The following DIAPH3 variants were observed in gnomAD, a reference collection of about 807,000 sequenced individuals.
DIAPH3 encodes the protein diaphanous related formin 3.
Under a neutral mutation model 144.3 loss-of-function variants are expected in DIAPH3, and 117 were observed. That is an observed-to-expected ratio of 0.81 (90% confidence interval 0.70 to 0.95). The LOEUF is 0.95. DIAPH3 is among the 40% of genes least tolerant of loss of function. The probability of loss-of-function intolerance (pLI) is 0.00; values close to 1 mark genes in which losing one functional copy is unlikely to be tolerated. For synonymous variants in DIAPH3, 519 were observed against 488.9 expected (o/e 1.06, Z -0.81); for missense variants, 1,421 against 1,412.7 (o/e 1.01, Z -0.09).
intron 27 of DIAPH3, among the ~76,000 whole-genome samples, chr13:59,750,546 A>T (rs1456000500): frequency 6.6e-6 from 1 of 152,198 alleles, no homozygotes; most frequent in Non-Finnish European, 1.5e-5. Flanking sequence ...GCTCTCGTTT[A>T]TGTTGAGTTT....
intron 18 of DIAPH3, among the ~76,000 whole-genome samples, chr13:59,920,316 C>T (rs563181049): frequency 6.6e-5 from 10 of 151,636 alleles, no homozygotes; most frequent in African/African-American, 9.7e-5. Context: ...TAACTTCACC[C>T]GTAAAGACAC....
chr13:59,875,922 T>C (rs2044599701), intron 21 of DIAPH3, among the ~76,000 whole-genome samples: 1 of 152,156 alleles, frequency 6.6e-6, no homozygotes, highest in Non-Finnish European at 1.5e-5. Context: ...CAAACTAAAC[T>C]ATAATGGGCA....
intron 17 of DIAPH3, among the ~76,000 whole-genome samples, chr13:59,937,319 A>G (rs371894360): frequency 1.3e-5 from 2 of 152,262 alleles, no homozygotes; most frequent in East Asian, 3.8e-4. Context: ...TATACAAAAG[A>G]AAGTACAAGA....
intron 4 of DIAPH3, among the ~76,000 whole-genome samples, chr13:60,050,742 T>C (rs575938337): frequency 6.6e-6 from 1 of 152,316 alleles, no homozygotes; most frequent in East Asian, 1.9e-4. Context: ...TGGAGAGTTC[T>C]GAGCATAGAA....
chr13:59,902,429 G>A (rs1374379707), intron 20 of DIAPH3, among the ~76,000 whole-genome samples: 1 of 152,148 alleles, frequency 6.6e-6, no homozygotes. Flanking sequence ...AGAGGCTGAT[G>A]TTGCCATGCT....
intron 27 of DIAPH3, among the ~76,000 whole-genome samples, chr13:59,747,473 A>C (rs542915494): frequency 6.6e-6 from 1 of 152,320 alleles, no homozygotes; most frequent in East Asian, 1.9e-4. Flanking sequence ...TCCTTTATTT[A>C]AAAGGAGGGA....
chr13:60,163,247 C>T (rs1952386315), intron 1 of DIAPH3, among the ~76,000 whole-genome samples: 1 of 152,086 alleles, frequency 6.6e-6, no homozygotes, highest in Admixed American at 6.5e-5. Flanking sequence ...AACCTGTCAC[C>T]TAAAAGTTCA....
intron 17 of DIAPH3, among the ~76,000 whole-genome samples, chr13:59,938,439 T>A (rs527301857): frequency 6.6e-6 from 1 of 151,926 alleles, no homozygotes; most frequent in Non-Finnish European, 1.5e-5. Flanking sequence ...TGAGTACTCA[T>A]CTCCACAAAA....
At chr13:59,888,905 T>G (rs1391839965) in intron 20 of DIAPH3, among the ~76,000 whole-genome samples, 1 of 152,090 alleles carries the variant, frequency 6.6e-6, no homozygotes, top group African/African-American at 2.4e-5. Context: ...GTTGAGCTTC[T>G]TGCATTTTAA....
At chr13:59,932,762 A>G (rs1335987630) in intron 17 of DIAPH3, among the ~76,000 whole-genome samples, 1 of 152,206 alleles carries the variant, frequency 6.6e-6, no homozygotes, top group Non-Finnish European at 1.5e-5. Flanking sequence ...CAAAGGATCA[A>G]TGGAACTTAG....
intron 5 of DIAPH3, among the ~76,000 whole-genome samples, chr13:60,028,449 G>C (rs2054538308): frequency 6.6e-6 from 1 of 152,040 alleles, no homozygotes; most frequent in South Asian, 2.1e-4. Flanking sequence ...TCTTCCTTTA[G>C]GTCCAGAAAC....
At chr13:60,147,048 A>G (rs138838895) in intron 1 of DIAPH3, among the ~76,000 whole-genome samples, 98 of 152,330 alleles carry the variant, frequency 6.4e-4, no homozygotes, top group Non-Finnish European at 1.0e-3. Context: ...CATGTTATCT[A>G]TAAGAGTTAA....
chr13:60,088,570 A>AGAAGAGGAAAGTAGAGAGG (rs2057828559), intron 4 of DIAPH3, among the ~76,000 whole-genome samples: 1 of 152,166 alleles, frequency 6.6e-6, no homozygotes, highest in Admixed American at 6.5e-5. Flanking sequence ...TAGAACGGCA[A>AGAAGAGGAAAGTAGAGAGG]ATAGAAGACT....
At chr13:59,811,329 A>C (rs1321045121) in intron 24 of DIAPH3, among the ~76,000 whole-genome samples, 1 of 152,234 alleles carries the variant, frequency 6.6e-6, no homozygotes, top group African/African-American at 2.4e-5. Flanking sequence ...AAGTACAAGA[A>C]AAATTATCAA....
chr13:59,796,875 C>T (rs1254558887), intron 25 of DIAPH3, among the ~76,000 whole-genome samples: 1 of 152,132 alleles, frequency 6.6e-6, no homozygotes, highest in Non-Finnish European at 1.5e-5. Flanking sequence ...AACTTCATTC[C>T]TTGGGTTCTA....
At chr13:59,817,160 G>T (rs2040820372) in intron 24 of DIAPH3, among the ~76,000 whole-genome samples, 1 of 151,732 alleles carries the variant, frequency 6.6e-6, no homozygotes, top group East Asian at 1.9e-4. Flanking sequence ...TTCAACTTGT[G>T]CATGAAAAAA....
chr13:60,145,531 T>C (rs1237418243), intron 1 of DIAPH3, among the ~76,000 whole-genome samples: 2 of 152,098 alleles, frequency 1.3e-5, no homozygotes, highest in African/African-American at 4.8e-5. Context: ...GCACCTGTAG[T>C]CCCAGCTACT....
At chr13:59,856,852 C>T (rs564278033) in intron 22 of DIAPH3, among the ~76,000 whole-genome samples, 1 of 151,894 alleles carries the variant, frequency 6.6e-6, no homozygotes, top group South Asian at 2.1e-4. Context: ...AATATTTCCA[C>T]CACCAACAAT....
At chr13:59,826,584 A>G (rs879597742) in intron 24 of DIAPH3, among the ~76,000 whole-genome samples, 6,364 of 149,544 alleles carry the variant, frequency 0.043, 219 homozygotes, top group South Asian at 0.11. Context: ...AAGAATCAAT[A>G]TCGTGAAAAT....
Sources: allele counts gnomAD v4.1 joint callset (sites outside exome capture counted in the v4.1 genomes callset), GRCh38; gene constraint gnomAD v4.1.1; transcripts MANE v1.5; gene names NCBI Gene and HGNC (gene_info 2026-07-23, HGNC 2026-07-21).